The following BMAL1 variants were observed in gnomAD, a reference collection of about 807,000 sequenced individuals.
The protein encoded by BMAL1 is basic helix-loop-helix ARNT like 1, also known as basic helix-loop-helix ARNT-like protein 1.
the BMAL1 span, among the ~76,000 whole-genome samples, chr11:13,384,979 A>G: frequency 6.6e-6 from 1 of 152,170 alleles, no homozygotes; most frequent in Non-Finnish European, 1.5e-5. Context: ...GAAATAAAGT[A>G]AGTTATAATG....
At chr11:13,349,174 T>G in the BMAL1 span, among the ~76,000 whole-genome samples, 1 of 152,242 alleles carries the variant, frequency 6.6e-6, no homozygotes, top group South Asian at 2.1e-4. Context: ...CTTTCTTAAC[T>G]TCGTGTGTGC....
At chr11:13,366,763 G>A in the BMAL1 span, 1 of 1,614,036 alleles carries the variant, frequency 6.2e-7, no homozygotes, top group East Asian at 2.2e-5. Context: ...CACCCCGGGA[G>A]CGGCTCATAG....
the BMAL1 span, among the ~76,000 whole-genome samples, chr11:13,322,332 C>A: frequency 6.6e-6 from 1 of 152,158 alleles, no homozygotes; most frequent in African/African-American, 2.4e-5. Flanking sequence ...TCGCAACACC[C>A]TGAGATACTC....
the BMAL1 span, among the ~76,000 whole-genome samples, chr11:13,291,259 T>G: frequency 6.6e-6 from 1 of 152,196 alleles, no homozygotes; most frequent in Non-Finnish European, 1.5e-5. Flanking sequence ...ACATACAATG[T>G]CTTGTTTAGT....
chr11:13,293,113 G>T, the BMAL1 span, among the ~76,000 whole-genome samples: 1 of 152,166 alleles, frequency 6.6e-6, no homozygotes, highest in East Asian at 1.9e-4. Context: ...TGAGTCAAGG[G>T]TGAGAATCTA....
chr11:13,379,225 A>C, the BMAL1 span: 25 of 152,390 alleles, frequency 1.6e-4, no homozygotes, highest in Admixed American at 1.4e-3. Context: ...AGAGCAGTCG[A>C]GAGGGAAGCA....
chr11:13,361,889 T>C, the BMAL1 span, among the ~76,000 whole-genome samples: 1 of 152,236 alleles, frequency 6.6e-6, no homozygotes, highest in Non-Finnish European at 1.5e-5. Flanking sequence ...AGCTCTAGTC[T>C]GGCTGTCCTT....
At chr11:13,343,273 A>G in the BMAL1 span, among the ~76,000 whole-genome samples, 1 of 152,220 alleles carries the variant, frequency 6.6e-6, no homozygotes, top group Admixed American at 6.5e-5. Flanking sequence ...AAGGGTCTAG[A>G]GCAGTAAAAG....
the BMAL1 span, among the ~76,000 whole-genome samples, chr11:13,279,905 A>G: frequency 6.6e-6 from 1 of 152,242 alleles, no homozygotes; most frequent in Admixed American, 6.5e-5. Context: ...CAGATCTGGT[A>G]GAAAAGCACT....
the BMAL1 span, chr11:13,376,753 G>A: frequency 6.2e-7 from 1 of 1,607,186 alleles, no homozygotes; most frequent in Non-Finnish European, 8.5e-7. Flanking sequence ...CTGGGGCCCT[G>A]GGGCTTGCCC....
chr11:13,382,143 G>C, the BMAL1 span, among the ~76,000 whole-genome samples: 2 of 152,172 alleles, frequency 1.3e-5, no homozygotes, highest in South Asian at 2.1e-4. Context: ...AGTTGCTAAG[G>C]AGAGAGGGTA....
the BMAL1 span, among the ~76,000 whole-genome samples, chr11:13,365,806 A>C: frequency 6.6e-6 from 1 of 152,240 alleles, no homozygotes; most frequent in Non-Finnish European, 1.5e-5. Flanking sequence ...TCTGATCGAT[A>C]GCATTATGGC....
the BMAL1 span, among the ~76,000 whole-genome samples, chr11:13,335,593 A>G: frequency 1.3e-5 from 2 of 152,242 alleles, no homozygotes; most frequent in Non-Finnish European, 2.9e-5. Flanking sequence ...TGCTCAGTGC[A>G]TTCTTGTGGG....
chr11:13,312,915 G>T, the BMAL1 span, among the ~76,000 whole-genome samples: 19 of 152,222 alleles, frequency 1.2e-4, no homozygotes, highest in Non-Finnish European at 1.5e-5. Flanking sequence ...GTCTACATGT[G>T]TGAGATGTAG....
the BMAL1 span, among the ~76,000 whole-genome samples, chr11:13,324,375 G>T: frequency 9.5e-3 from 1,023 of 107,608 alleles, 13 homozygotes; most frequent in Non-Finnish European, 0.015. Flanking sequence ...TTCAGCTGCC[G>T]CATCTTTTCT....
chr11:13,348,797 A>G, the BMAL1 span, among the ~76,000 whole-genome samples: 4 of 152,166 alleles, frequency 2.6e-5, no homozygotes, highest in South Asian at 8.3e-4. Context: ...TGCAATGGGG[A>G]ATGAATGCCT....
the BMAL1 span, among the ~76,000 whole-genome samples, chr11:13,322,953 C>CT: frequency 6.6e-6 from 1 of 150,728 alleles, no homozygotes; most frequent in African/African-American, 2.4e-5. Context: ...ACTTGCCTGT[C>CT]TGATTTTTTT....
At chr11:13,368,745 C>A in the BMAL1 span, among the ~76,000 whole-genome samples, 1 of 152,096 alleles carries the variant, frequency 6.6e-6, no homozygotes. Context: ...GCTCCACCCC[C>A]AGAGATTCTA....
chr11:13,351,051 T>G, the BMAL1 span, among the ~76,000 whole-genome samples: 1 of 152,218 alleles, frequency 6.6e-6, no homozygotes, highest in Non-Finnish European at 1.5e-5. Flanking sequence ...TGGAGAGGAC[T>G]GCCAGTGACT....
Sources: allele counts gnomAD v4.1 joint callset (sites outside exome capture counted in the v4.1 genomes callset), GRCh38; gene constraint gnomAD v4.1.1; transcripts MANE v1.5; gene names NCBI Gene and HGNC (gene_info 2026-07-23, HGNC 2026-07-21).